The following DNAJC15 variants were observed in gnomAD, a reference collection of about 807,000 sequenced individuals.
DNAJC15 encodes dnaJ homolog subfamily C member 15.
DNAJC15 carries 27 observed loss-of-function variants against 22.4 expected under a neutral mutation model. The ratio of observed to expected loss-of-function variants is 1.20; its 90% CI spans 0.89 to 1.66. DNAJC15 has a LOEUF of 1.66. Among genes scored for constraint, DNAJC15 ranks in the 40% most tolerant of loss-of-function variants. The pLI, the probability that DNAJC15 is intolerant of heterozygous loss-of-function variation, is 0.00. For synonymous variants in DNAJC15, 79 were observed against 63.2 expected (o/e 1.25, Z -1.19); for missense variants, 208 against 187.1 (o/e 1.11, Z -0.65).
chr13:43,046,380 A>G (rs17064069), intron 1 of DNAJC15, among the ~76,000 whole-genome samples: 2,213 of 152,080 alleles, frequency 0.015, 57 homozygotes, highest in African/African-American at 0.048. Flanking sequence ...ATGAGCTACA[A>G]GAGACATCTC....
At chr13:43,085,683 T>C (rs900460925) in intron 4 of DNAJC15, 85 bp from the exon 5 acceptor site, 14 of 1,071,716 alleles carry the variant, frequency 1.3e-5, no homozygotes, top group Non-Finnish European at 1.6e-5. Flanking sequence ...TCATTAGGTA[T>C]AATTTTTTGA....
chr13:43,044,731 C>T (rs1349878219), intron 1 of DNAJC15, among the ~76,000 whole-genome samples: 1 of 151,954 alleles, frequency 6.6e-6, no homozygotes, highest in Non-Finnish European at 1.5e-5. Flanking sequence ...ATTATATTTT[C>T]TCATTTCAAA....
At chr13:43,075,743 A>C (rs1593323344) in intron 3 of DNAJC15, among the ~76,000 whole-genome samples, 1 of 151,884 alleles carries the variant, frequency 6.6e-6, no homozygotes, top group Non-Finnish European at 1.5e-5. Flanking sequence ...GCTCACTGCA[A>C]CCTCCACCTC....
chr13:43,055,306 G>A (rs974165425), intron 1 of DNAJC15, among the ~76,000 whole-genome samples: 5 of 151,588 alleles, frequency 3.3e-5, no homozygotes, highest in Non-Finnish European at 5.9e-5. Flanking sequence ...CAGGCCCTAG[G>A]AGGATAAGAC....
chr13:43,095,755 T>A (rs1029555302), intron 5 of DNAJC15, among the ~76,000 whole-genome samples: 1 of 152,180 alleles, frequency 6.6e-6, no homozygotes, highest in Non-Finnish European at 1.5e-5. Context: ...TCAACTGGGC[T>A]GAATGCTGCT....
intron 3 of DNAJC15, among the ~76,000 whole-genome samples, chr13:43,075,016 A>T (rs914586749): frequency 6.6e-6 from 1 of 152,328 alleles, no homozygotes; most frequent in African/African-American, 2.4e-5. Flanking sequence ...AGATTTTAGT[A>T]TGAGTGGTCC....
intron 3 of DNAJC15, among the ~76,000 whole-genome samples, chr13:43,077,958 T>C (rs1237090770): frequency 6.6e-6 from 1 of 152,228 alleles, no homozygotes. Flanking sequence ...TCTTGCACCT[T>C]TCTATTCTCT....
In DNAJC15 at chr13:43,111,372, A is replaced by T. The variant is rs2040823881; in HGVS notation, c.*4124A>T. 1 of 152,204 alleles carries T rather than the reference A, an allele frequency of 6.6e-6. No individual in the cohort carries two copies. The highest frequency in any genetic ancestry group is 1.5e-5 in the Non-Finnish European group (1 of 68,034). The allele number at this position is 152,204 out of a possible 1,614,324, so 9.4% of individuals were successfully genotyped here. On this transcript the variant is annotated 3_prime_UTR_variant, in exon 6 of 6. Transcript: ENST00000379221. ...CTTCATACTTTTTAATTAACAAGACATATAAGAGTTGCATTAATGGGCGTG... is the reference window on the plus strand; with the variant it reads ...CTTCATACTTTTTAATTAACAAGACTTATAAGAGTTGCATTAATGGGCGTG...
chr13:43,107,128 G>T (rs183874042), intron 5 of DNAJC15, 50 bp from the exon 6 acceptor site: 18 of 1,454,202 alleles, frequency 1.2e-5, no homozygotes, highest in Middle Eastern at 2.3e-4. Flanking sequence ...GGACTTTAAA[G>T]TATGTCAATG....
In DNAJC15 at chr13:43,109,859, TAA is replaced by T. The variant is rs398117268; in HGVS notation, c.*2615_*2616del. The stretch of plus-strand genomic sequence containing the variant: ...ATGTGCCCTAGAACTTAAAGTATAA[TAA>T]AAAGAAATTTTAAAAAATCCTGTCA... On this transcript the variant is annotated 3_prime_UTR_variant, in exon 6 of 6. Transcript: ENST00000379221. The T allele has an allele frequency of 1.4e-5, 2 of 142,088 alleles. No individual in the cohort carries two copies. Among genetic ancestry groups the T allele is most frequent in the African/African-American group, 4.9e-5 (2 of 40,796 alleles). The allele number at this position is 142,088 out of a possible 1,614,324, so 8.8% of individuals were successfully genotyped here.
intron 5 of DNAJC15, among the ~76,000 whole-genome samples, chr13:43,096,579 A>G (rs990438830): frequency 9.9e-5 from 15 of 152,216 alleles, no homozygotes; most frequent in African/African-American, 3.6e-4. Context: ...TGTAAGCCAG[A>G]TAATGCACTA....
At chr13:43,075,793 G>T (rs1224622456) in intron 3 of DNAJC15, among the ~76,000 whole-genome samples, 1 of 152,106 alleles carries the variant, frequency 6.6e-6, no homozygotes. Context: ...CTCCAGAGTA[G>T]CTGGGATTAC....
At chr13:43,097,956 T>C (rs1318900252) in intron 5 of DNAJC15, among the ~76,000 whole-genome samples, 2 of 152,058 alleles carry the variant, frequency 1.3e-5, no homozygotes, top group African/African-American at 2.4e-5. Context: ...AAAGGTCTAA[T>C]TCAAAATATA....
At chr13:43,074,325 A>G (rs930817262) in intron 3 of DNAJC15, among the ~76,000 whole-genome samples, 1 of 152,196 alleles carries the variant, frequency 6.6e-6, no homozygotes, top group African/African-American at 2.4e-5. Context: ...TAATTTTAGA[A>G]GGAAAATGAT....
intron 2 of DNAJC15, 133 bp downstream of exon 2, chr13:43,065,870 C>A: frequency 1.4e-6 from 1 of 711,658 alleles, no homozygotes; most frequent in Non-Finnish European, 2.3e-6. Context: ...TTCTTTCCAC[C>A]ATTTGTAGTT....
At position 43,107,524 on chromosome 13, in the gene DNAJC15, TACACACAC is replaced by T. The variant is rs57085120; in HGVS notation, c.*301_*308del. The T allele has an allele frequency of 0.021, 3,422 of 161,284 alleles. 43 individuals are homozygous for T. Among genetic ancestry groups the T allele is most frequent in the South Asian group, 0.077 (389 of 5,054 alleles). 10.0% of individuals were successfully genotyped at this position (161,284 alleles called of 1,614,324 possible). On this transcript the variant is annotated 3_prime_UTR_variant, in exon 6 of 6. Coordinates refer to ENST00000379221, the MANE Select transcript of DNAJC15 (RefSeq NM_013238.3). ...TTTTGTTATGTTCTGAATTCCCCCC[TACACACAC>T]ACACACACACACACACACACACACG...
At chr13:43,041,939 G>A (rs527696773) in intron 1 of DNAJC15, among the ~76,000 whole-genome samples, 1 of 152,350 alleles carries the variant, frequency 6.6e-6, no homozygotes, top group Admixed American at 6.5e-5. Flanking sequence ...TCACAATGGA[G>A]GAGTAAGCTG....
chr13:43,032,553 G>T (rs771452114), intron 1 of DNAJC15, among the ~76,000 whole-genome samples: 6 of 152,146 alleles, frequency 3.9e-5, no homozygotes, highest in Non-Finnish European at 8.8e-5. Context: ...GCCAAGTGTG[G>T]TGGCTCACGC....
At chr13:43,025,275 C>T (rs7322198) in intron 1 of DNAJC15, among the ~76,000 whole-genome samples, 82,410 of 151,774 alleles carry the variant, frequency 0.54, 22,395 homozygotes, top group African/African-American at 0.57. Context: ...TGTGGAGAGT[C>T]GTAAAAATCC....
Sources: allele counts gnomAD v4.1 joint callset (sites outside exome capture counted in the v4.1 genomes callset), GRCh38; gene constraint gnomAD v4.1.1; transcripts MANE v1.5; gene names NCBI Gene and HGNC (gene_info 2026-07-23, HGNC 2026-07-21).